GPR141: variants seen among roughly 807,000 people sequenced by gnomAD.
GPR141 encodes probable G protein-coupled receptor 141.
GPR141 carries 6 observed loss-of-function variants against 6.8 expected under a neutral mutation model. That is an observed-to-expected ratio of 0.88 (90% CI 0.48 to 1.74). The LOEUF is 1.74. GPR141 is among the 40% of genes most tolerant of loss of function. The pLI is 0.01. For synonymous variants in GPR141, 140 were observed against 142.3 expected (o/e 0.98, Z 0.11); for missense variants, 372 against 372.9 (o/e 1.00, Z 0.02).
chr7:37,691,526 CCTCT>C (rs1035921777), intron 2 of GPR141, among the ~76,000 whole-genome samples: 78 of 151,304 alleles, frequency 5.2e-4, no homozygotes, highest in African/African-American at 1.8e-3. Flanking sequence ...GTTCTTTTTT[CCTCT>C]CTTATTGTTT....
chr7:37,723,672 T>A (rs1427299757), intron 2 of GPR141, among the ~76,000 whole-genome samples: 1 of 152,202 alleles, frequency 6.6e-6, no homozygotes, highest in Non-Finnish European at 1.5e-5. Flanking sequence ...TTTGCCTGTC[T>A]GAAGGCCTCG....
chr7:37,691,429 C>A (rs943200888), intron 2 of GPR141, among the ~76,000 whole-genome samples: 2 of 151,500 alleles, frequency 1.3e-5, no homozygotes, highest in Non-Finnish European at 2.9e-5. Context: ...AGAATTTAAT[C>A]CATTTACATT....
intron 2 of GPR141, among the ~76,000 whole-genome samples, chr7:37,711,743 C>T (rs566598968): frequency 6.6e-6 from 1 of 152,238 alleles, no homozygotes; most frequent in African/African-American, 2.4e-5. Flanking sequence ...CTGTATCCCT[C>T]TCTTGTCCCT....
chr7:37,733,914 G>A (rs1169349793), intron 2 of GPR141, among the ~76,000 whole-genome samples: 1 of 152,126 alleles, frequency 6.6e-6, no homozygotes, highest in East Asian at 1.9e-4. Context: ...CCCCATGCCT[G>A]TAATCCCAAC....
intron 2 of GPR141, among the ~76,000 whole-genome samples, chr7:37,698,211 A>C (rs1054546760): frequency 1.8e-4 from 28 of 152,228 alleles, no homozygotes; most frequent in African/African-American, 6.5e-4. Flanking sequence ...TCATGTAAGT[A>C]AAAGGAAGAG....
At chr7:37,714,446 A>T (rs1325915186) in intron 2 of GPR141, among the ~76,000 whole-genome samples, 2 of 152,228 alleles carry the variant, frequency 1.3e-5, no homozygotes, top group Non-Finnish European at 2.9e-5. Flanking sequence ...TTGCAATAAC[A>T]TAGAAATAAG....
At chr7:37,708,327 A>C (rs1388003598) in intron 2 of GPR141, among the ~76,000 whole-genome samples, 1 of 151,434 alleles carries the variant, frequency 6.6e-6, no homozygotes, top group African/African-American at 2.4e-5. Flanking sequence ...AAAAAAAAAA[A>C]AAAAAAAACG....
chr7:37,697,164 A>G (rs1328609627), intron 2 of GPR141, among the ~76,000 whole-genome samples: 1 of 142,164 alleles, frequency 7.0e-6, no homozygotes, highest in East Asian at 2.0e-4. Context: ...AGGTAGAAGT[A>G]ATAATTCTTA....
At chr7:37,684,821 A>G (rs918150715) in intron 1 of GPR141, among the ~76,000 whole-genome samples, 3 of 152,154 alleles carry the variant, frequency 2.0e-5, no homozygotes, top group African/African-American at 7.2e-5. Context: ...TTTCTGTTTT[A>G]TTGGGTTTAA....
intron 2 of GPR141, among the ~76,000 whole-genome samples, chr7:37,722,329 A>G (rs972165069): frequency 1.3e-5 from 2 of 152,232 alleles, no homozygotes; most frequent in Admixed American, 1.3e-4. Context: ...GCTGGCTTGC[A>G]TCTGCAGTCC....
chr7:37,702,041 C>G (rs1243608827), intron 2 of GPR141, among the ~76,000 whole-genome samples: 1 of 152,088 alleles, frequency 6.6e-6, no homozygotes, highest in African/African-American at 2.4e-5. Flanking sequence ...ATAGACATAC[C>G]AATTTCTTTC....
In GPR141 at chr7:37,741,440, A is replaced by G; in HGVS notation, c.*129A>G. The stretch of plus-strand genomic sequence containing the variant: ...GATGTACCCAAAACAAAAGGACTAT[A>G]AAATGCAAGAGCCCTCATTGTAGTC... On this transcript the variant is annotated 3_prime_UTR_variant, in exon 3 of 3. Transcript: ENST00000334425. The G allele has an allele frequency of 1.5e-6, 1 of 678,412 alleles. No homozygotes were observed. The highest frequency in any genetic ancestry group is 3.1e-5 in the Admixed American group (1 of 32,272). The allele number at this position is 678,412 out of a possible 1,614,324, so 42.0% of individuals were successfully genotyped here.
Position 37,740,913 on chromosome 7 carries a change from G to GCTTACACATAT in GPR141, c.521_531dup (p.Val178LeufsTer5). ...CTGTTTTAAATTTCACAAAGAGCTTGCTTACACATATGTGAAAATCATCAA... is the reference window on the plus strand; with the variant it reads ...CTGTTTTAAATTTCACAAAGAGCTTGCTTACACATATCTTACACATATGTGAAAATCATCAA... On this transcript the variant is annotated frameshift_variant, in exon 3 of 3. Coordinates refer to ENST00000334425, the MANE Select transcript of GPR141 (RefSeq NM_001381946.1). LOFTEE classifies it low-confidence loss of function (END_TRUNC). 6.2e-7 allele frequency: 1 copy of GCTTACACATAT among 1,614,124 alleles called. No homozygotes were observed. The highest frequency in any genetic ancestry group is 8.5e-7 in the Non-Finnish European group (1 of 1,179,998).
intron 2 of GPR141, among the ~76,000 whole-genome samples, chr7:37,724,241 T>C (rs1215006299): frequency 6.6e-6 from 1 of 152,114 alleles, no homozygotes; most frequent in Non-Finnish European, 1.5e-5. Context: ...ATGTCTTTGA[T>C]GAGTGAGGCT....
chr7:37,740,752 G>T lies in GPR141; in HGVS notation c.359G>T (p.Cys120Phe), dbSNP rs773657343. Residue 120 changes from cysteine to phenylalanine, a missense_variant, in exon 3 of 3, where the codon TGC becomes TTC. By Grantham distance (205) the Cys-to-Phe change is radical. Transcript: ENST00000334425. ...ACCAGATACCTCATCTTCTTCAAGT[G>T]CAAAGACAAAGTGGAATTCTACAGA... is the stretch of plus-strand genomic sequence containing the variant. ...LVTRYLIFFK[C>F]KDKVEFYRKL... 1.2e-6 allele frequency: 2 copies of T among 1,614,090 alleles called. No individual in the cohort carries two copies. The highest frequency in any genetic ancestry group is 1.7e-5 in the Admixed American group (1 of 59,990).
intron 2 of GPR141, among the ~76,000 whole-genome samples, chr7:37,690,374 G>A (rs138064581): frequency 2.0e-5 from 3 of 152,170 alleles, no homozygotes; most frequent in Non-Finnish European, 4.4e-5. Flanking sequence ...TCCTGATAGC[G>A]AGAGGGTTTT....
chr7:37,724,410 G>A (rs1202845261), intron 2 of GPR141, among the ~76,000 whole-genome samples: 1 of 152,152 alleles, frequency 6.6e-6, no homozygotes. Flanking sequence ...TATGAACAAA[G>A]CAGGGGGCAA....
Position 37,741,478 on chromosome 7 carries a change from C to T in GPR141, c.*167C>T. 1 of 564,716 alleles carries T rather than the reference C, an allele frequency of 1.8e-6. No individual in the cohort carries two copies. The highest frequency in any genetic ancestry group is 3.1e-6 in the Non-Finnish European group (1 of 324,104). The allele number at this position is 564,716 out of a possible 1,614,324, so 35.0% of individuals were successfully genotyped here. A position where few individuals can be genotyped will look rare whatever the true frequency, so the allele number is the denominator to read the frequency against. On this transcript the variant is annotated 3_prime_UTR_variant, in exon 3 of 3. Coordinates refer to ENST00000334425, the MANE Select transcript of GPR141 (RefSeq NM_001381946.1). ...CCTCATTGTAGTCCTTATGGGATCC[C>T]TCCCATCTCTGAGTGATGGCCGTAC...
At chr7:37,713,696 A>C (rs1488264832) in intron 2 of GPR141, among the ~76,000 whole-genome samples, 1 of 152,214 alleles carries the variant, frequency 6.6e-6, no homozygotes, top group Non-Finnish European at 1.5e-5. Flanking sequence ...ATGTCTTTAA[A>C]GTTGCTGTGA....
Sources: gnomAD v4.1 joint callset for allele counts (sites outside exome capture counted in the v4.1 genomes callset) on GRCh38, gnomAD v4.1.1 for gene constraint, MANE v1.5 for transcripts, NCBI Gene and HGNC (gene_info 2026-07-23, HGNC 2026-07-21) for gene names.